The following NRG1 variants were observed in gnomAD, a reference collection of about 807,000 sequenced individuals.
NRG1 encodes pro-neuregulin-1, membrane-bound isoform.
NRG1 carries 18 observed loss-of-function variants against 63.8 expected under a neutral mutation model. The ratio of observed to expected loss-of-function variants is 0.28; its 90% CI spans 0.19 to 0.42. NRG1 has a LOEUF of 0.42. Ranked by LOEUF, NRG1 falls within the 10% of genes least tolerant of loss-of-function variation. NRG1 has a pLI of 1.00. For synonymous variants in NRG1, 302 were observed against 301.3 expected (o/e 1.00, Z -0.02); for missense variants, 762 against 814.7 (o/e 0.94, Z 0.79).
intron 1 of NRG1, among the ~76,000 whole-genome samples, chr8:32,065,679 A>G (rs1339119905): frequency 2.0e-5 from 3 of 152,332 alleles, no homozygotes; most frequent in East Asian, 1.9e-4. Flanking sequence ...AGCATGATTT[A>G]TAATCCTTTG....
At chr8:32,110,976 A>G (rs997829002) in intron 1 of NRG1, among the ~76,000 whole-genome samples, 4 of 152,190 alleles carry the variant, frequency 2.6e-5, no homozygotes, top group African/African-American at 9.7e-5. Context: ...CTTTCGAGTA[A>G]GCAACGTTTC....
chr8:32,499,678 A>G (rs1827628628), intron 1 of NRG1, among the ~76,000 whole-genome samples: 1 of 152,128 alleles, frequency 6.6e-6, no homozygotes, highest in Non-Finnish European at 1.5e-5. Context: ...TGTCTTAAAA[A>G]TAAATAAATA....
chr8:32,168,645 T>C (rs1238963595), intron 1 of NRG1, among the ~76,000 whole-genome samples: 1 of 152,138 alleles, frequency 6.6e-6, no homozygotes, highest in Non-Finnish European at 1.5e-5. Context: ...TCTTGGAAAG[T>C]GAAAGTTTCT....
At chr8:32,534,075 C>G (rs1289934637) in intron 1 of NRG1, among the ~76,000 whole-genome samples, 1 of 152,026 alleles carries the variant, frequency 6.6e-6, no homozygotes, top group East Asian at 1.9e-4. Flanking sequence ...AGAAAGAGGA[C>G]ATTCTCTTTA....
chr8:32,520,532 G>A (rs563949463), intron 1 of NRG1, among the ~76,000 whole-genome samples: 9 of 152,234 alleles, frequency 5.9e-5, no homozygotes, highest in Admixed American at 2.6e-4. Flanking sequence ...ATTAAAATGA[G>A]ATATGTAGAG....
chr8:31,761,846 C>G (rs1461915146), intron 1 of NRG1, among the ~76,000 whole-genome samples: 2 of 152,100 alleles, frequency 1.3e-5, no homozygotes, highest in African/African-American at 4.8e-5. Context: ...AAAAATGATG[C>G]TGATAGACTT....
intron 1 of NRG1, among the ~76,000 whole-genome samples, chr8:32,450,719 A>AAATTATTTAATAATTT (rs1820846602): frequency 1.3e-5 from 2 of 152,180 alleles, no homozygotes; most frequent in South Asian, 4.1e-4. Flanking sequence ...CCTGGTCTAG[A>AAATTATTTAATAATTT]AATTATTTAA....
chr8:32,217,640 G>T (rs1300597960), intron 1 of NRG1, among the ~76,000 whole-genome samples: 14 of 152,130 alleles, frequency 9.2e-5, no homozygotes, highest in African/African-American at 3.4e-4. Context: ...AAGAAATCGG[G>T]TGAAAAAGGA....
intron 1 of NRG1, among the ~76,000 whole-genome samples, chr8:31,897,878 G>C (rs4289765): frequency 1.3e-5 from 2 of 151,134 alleles, no homozygotes; most frequent in African/African-American, 2.4e-5. Flanking sequence ...AAATGAGCTA[G>C]GCGTGGTGGT....
At chr8:32,010,022 G>T (rs1814486830) in intron 1 of NRG1, among the ~76,000 whole-genome samples, 1 of 151,926 alleles carries the variant, frequency 6.6e-6, no homozygotes, top group Admixed American at 6.6e-5. Context: ...TCTCCTTGGA[G>T]GGTGGTCACC....
intron 1 of NRG1, among the ~76,000 whole-genome samples, chr8:31,874,171 G>A (rs765244463): frequency 3.0e-4 from 46 of 152,198 alleles, no homozygotes; most frequent in Admixed American, 4.6e-4. Context: ...AAATTCAGGC[G>A]AATGAGTCTT....
chr8:32,616,775 A>T (rs138615475), intron 4 of NRG1, 60 bp from the exon 5 acceptor site: 14 of 1,384,632 alleles, frequency 1.0e-5, no homozygotes, highest in Non-Finnish European at 1.4e-5. Context: ...GCAAATTTCT[A>T]ATTTATGAGT....
chr8:31,976,162 G>A (rs891391833), intron 1 of NRG1, among the ~76,000 whole-genome samples: 1 of 152,122 alleles, frequency 6.6e-6, no homozygotes, highest in Non-Finnish European at 1.5e-5. Flanking sequence ...CATTAGCTGA[G>A]GAATCCTGAT....
chr8:32,093,250 G>C (rs1217302205), intron 1 of NRG1, among the ~76,000 whole-genome samples: 1 of 152,124 alleles, frequency 6.6e-6, no homozygotes, highest in Non-Finnish European at 1.5e-5. Flanking sequence ...TATGCAGGAT[G>C]TGCATAGCCC....
chr8:32,085,293 A>C (rs1262073652), intron 1 of NRG1, among the ~76,000 whole-genome samples: 2 of 152,240 alleles, frequency 1.3e-5, no homozygotes, highest in African/African-American at 4.8e-5. Context: ...TTATGGGACC[A>C]AACATTTCTG....
intron 1 of NRG1, among the ~76,000 whole-genome samples, chr8:32,578,945 G>A (rs1193779386): frequency 6.6e-6 from 1 of 152,162 alleles, no homozygotes; most frequent in Non-Finnish European, 1.5e-5. Flanking sequence ...AAGGCTTGTT[G>A]TGAGGGTTTT....
At chr8:32,253,778 C>T (rs2129470927) in intron 1 of NRG1, among the ~76,000 whole-genome samples, 1 of 152,320 alleles carries the variant, frequency 6.6e-6, no homozygotes, top group African/African-American at 2.4e-5. Context: ...ACCAGCTCCT[C>T]TTTGTACCTC....
At chr8:32,416,373 C>G (rs891928803) in intron 1 of NRG1, among the ~76,000 whole-genome samples, 3 of 149,266 alleles carry the variant, frequency 2.0e-5, no homozygotes, top group Non-Finnish European at 4.4e-5. Context: ...CACCTCCTTC[C>G]CTTCCTTCCT....
At chr8:32,046,203 T>C (rs1432386654) in intron 1 of NRG1, among the ~76,000 whole-genome samples, 1 of 152,046 alleles carries the variant, frequency 6.6e-6, no homozygotes, top group African/African-American at 2.4e-5. Context: ...GCAACATCAT[T>C]AGCTTAACTT....
Sources: gnomAD v4.1 joint callset for allele counts (sites outside exome capture counted in the v4.1 genomes callset) on GRCh38, gnomAD v4.1.1 for gene constraint, MANE v1.5 for transcripts, NCBI Gene and HGNC (gene_info 2026-07-23, HGNC 2026-07-21) for gene names.